PEX14: variants seen among roughly 807,000 people sequenced by gnomAD.
The protein encoded by PEX14 is peroxisomal biogenesis factor 14, also known as peroxisomal membrane protein PEX14.
PEX14 carries 15 observed loss-of-function variants against 49.5 expected under a neutral mutation model. The ratio of observed to expected loss-of-function variants is 0.30; its 90% CI spans 0.20 to 0.47. The LOEUF (loss-of-function observed/expected upper bound fraction) is 0.47, where lower values mean the gene tolerates loss of function less well. PEX14 is among the 20% of genes least tolerant of loss of function. The pLI is 1.00. For synonymous variants in PEX14, 210 were observed against 212.7 expected (o/e 0.99, Z 0.11); for missense variants, 398 against 494.8 (o/e 0.80, Z 1.86).
chr1:10,511,571 A>G (rs2124436727), intron 2 of PEX14, among the ~76,000 whole-genome samples: 1 of 152,296 alleles, frequency 6.6e-6, no homozygotes, highest in South Asian at 2.1e-4. Flanking sequence ...CTAGAGATGG[A>G]GGGACCCCTG....
rs918208350 is a variant in PEX14 at position 10,627,217 on chromosome 1, G to T, written c.586-55G>T. On this transcript the variant is annotated intron_variant, in intron 7 of 8. Coordinates refer to ENST00000356607, the MANE Select transcript of PEX14 (RefSeq NM_004565.3). ...CACCCAGGTCCTCCTGCAGCCGCAG[G>T]CCCCGCCCGTGCCGCAAGGCGCCCG... 9.8e-6 allele frequency: 12 copies of T among 1,220,256 alleles called. No individual in the cohort carries two copies. The African/African-American group carries it at 1.8e-4, about 18-fold the overall frequency. 75.6% of individuals were successfully genotyped at this position (1,220,256 alleles called of 1,614,324 possible). A position where few individuals can be genotyped will look rare whatever the true frequency, so the allele number is the denominator to read the frequency against.
At chr1:10,616,961 A>G (rs1641440226) in intron 4 of PEX14, 2 of 151,906 alleles carry the variant, frequency 1.3e-5, no homozygotes, top group South Asian at 4.2e-4. Flanking sequence ...TAAGTTCTGC[A>G]TCAATATGGT....
chr1:10,550,229 C>T (rs1389978068), intron 3 of PEX14, among the ~76,000 whole-genome samples: 1 of 152,046 alleles, frequency 6.6e-6, no homozygotes, highest in African/African-American at 2.4e-5. Context: ...AATGAGAATC[C>T]CGGGCAGAAA....
At chr1:10,574,728 C>T (rs1025391692) in intron 3 of PEX14, among the ~76,000 whole-genome samples, 5 of 152,026 alleles carry the variant, frequency 3.3e-5, no homozygotes, top group Admixed American at 2.0e-4. Flanking sequence ...CAGTTTTATG[C>T]GTCAACAAGA....
rs1407855450 is a variant in PEX14, at chr1:10,597,189, G to A, written c.170-2049G>A. Among the ~76,000 whole-genome samples the A allele has an allele frequency of 6.6e-6, 1 of 152,246 alleles. No homozygotes were observed. Among genetic ancestry groups the A allele is most frequent in the African/African-American group, 2.4e-5 (1 of 41,464 alleles). ...GAATGCAACTGAATGCTCCTTTTGG[G>A]AAAATTATCTTCATTTGCAGCCAGC... On this transcript the variant is annotated intron_variant, in intron 3 of 8. Transcript: ENST00000356607. The surrounding 1 kb of genome is among the most constrained non-coding windows in gnomAD (Gnocchi z 5.7).
chr1:10,576,346 A>G (rs1196173403), intron 3 of PEX14, among the ~76,000 whole-genome samples: 1 of 152,176 alleles, frequency 6.6e-6, no homozygotes, highest in Non-Finnish European at 1.5e-5. Context: ...GTGTCAGGCA[A>G]TAAGCTAAGT....
chr1:10,548,183 C>T (rs1350731439), intron 3 of PEX14, among the ~76,000 whole-genome samples: 1 of 152,226 alleles, frequency 6.6e-6, no homozygotes, highest in Admixed American at 6.5e-5. Flanking sequence ...CGCCACTGCA[C>T]TCCAGCCTGG....
intron 3 of PEX14, among the ~76,000 whole-genome samples, chr1:10,537,271 A>G (rs961332917): frequency 1.0e-4 from 14 of 139,234 alleles, no homozygotes; most frequent in Non-Finnish European, 1.5e-5. Flanking sequence ...CGGCAGCCCC[A>G]AGGCTGGGTC....
intron 2 of PEX14, among the ~76,000 whole-genome samples, chr1:10,506,885 A>G (rs1048956387): frequency 1.3e-5 from 2 of 152,248 alleles, no homozygotes; most frequent in Admixed American, 1.3e-4. Context: ...TTGGCTTTAC[A>G]TCAAAAGATC....
chr1:10,541,154 TAA>T (rs1394143363), intron 3 of PEX14, among the ~76,000 whole-genome samples: 2 of 152,078 alleles, frequency 1.3e-5, no homozygotes, highest in African/African-American at 2.4e-5. Context: ...GGAAGAGAAA[TAA>T]GAGAGGACAG....
rs1234893998 is a variant in PEX14, at chr1:10,514,499, T to G, written c.84+19178T>G. On this transcript the variant is annotated intron_variant, in intron 2 of 8. Coordinates refer to ENST00000356607, the MANE Select transcript of PEX14 (RefSeq NM_004565.3). This position sits in a 1 kb window ranked among gnomAD's most constrained non-coding sequence, Gnocchi z 4.4. ...ACCTTCTTGGTGAGTAGCTAATACC[T>G]TATTTTGTTCAAGGTTCCACGTTCA... Among the ~76,000 whole-genome samples, 4 of 152,220 alleles carry G rather than the reference T, an allele frequency of 2.6e-5. No homozygotes were observed. The highest frequency in any genetic ancestry group is 5.9e-5 in the Non-Finnish European group (4 of 68,048).
chr1:10,496,513 C>T (rs1388156688), intron 2 of PEX14, among the ~76,000 whole-genome samples: 1 of 152,186 alleles, frequency 6.6e-6, no homozygotes, highest in Non-Finnish European at 1.5e-5. Flanking sequence ...GACTGAAGTG[C>T]AGATTGAACA....
At chr1:10,506,081 G>T (rs557814555) in intron 2 of PEX14, among the ~76,000 whole-genome samples, 2 of 151,880 alleles carry the variant, frequency 1.3e-5, no homozygotes, top group African/African-American at 4.8e-5. Context: ...TGACCAACTT[G>T]CTGTTTGGGT....
Position 10,616,625 on chromosome 1 carries a change from C to G in PEX14, c.299-1707C>G, listed in dbSNP as rs936823401. ...GATCCTTCGGGGGGAGGCAGAGCACCCGCCACGTGGCCTGGAGATGGCCGC... is the reference window on the plus strand; with the variant it reads ...GATCCTTCGGGGGGAGGCAGAGCACGCGCCACGTGGCCTGGAGATGGCCGC... On this transcript the variant is annotated intron_variant, in intron 4 of 8. Coordinates refer to ENST00000356607, the MANE Select transcript of PEX14 (RefSeq NM_004565.3). Among the ~76,000 whole-genome samples, 7 of 152,166 alleles carry G rather than the reference C, an allele frequency of 4.6e-5. No individual in the cohort carries two copies. The East Asian group carries it at 1.2e-3, about 25-fold the overall frequency.
In PEX14 at chr1:10,629,456, C is replaced by T; in HGVS notation, c.678-75C>T. 1.9e-6 allele frequency: 2 copies of T among 1,027,742 alleles called. No individual in the cohort carries two copies. The highest frequency in any genetic ancestry group is 3.0e-6 in the Non-Finnish European group (2 of 661,164). The allele number at this position is 1,027,742 out of a possible 1,614,324, so 63.7% of individuals were successfully genotyped here. On this transcript the variant is annotated intron_variant, in intron 8 of 8. Coordinates refer to ENST00000356607, the MANE Select transcript of PEX14 (RefSeq NM_004565.3). The surrounding 1 kb of genome is among the most constrained non-coding windows in gnomAD (Gnocchi z 8.5). ...TCACCATCGCCGAGCCCTTGCGGGT[C>T]AGGGAAGGCGTGGCCCTTCGAAGGG... is the stretch of plus-strand genomic sequence containing the variant.
chr1:10,504,186 G>A (rs975651832), intron 2 of PEX14, among the ~76,000 whole-genome samples: 4 of 152,170 alleles, frequency 2.6e-5, no homozygotes, highest in Non-Finnish European at 2.9e-5. Context: ...GGAGAAGGAC[G>A]TATTCACCGC....
chr1:10,586,309 CTG>C (rs1640484945), intron 3 of PEX14, among the ~76,000 whole-genome samples: 4 of 152,196 alleles, frequency 2.6e-5, no homozygotes, highest in Admixed American at 2.6e-4. Flanking sequence ...ATGGAAAAGA[CTG>C]AGAACTTTGC....
intron 3 of PEX14, among the ~76,000 whole-genome samples, chr1:10,546,426 G>A (rs543145011): frequency 2.0e-5 from 3 of 152,116 alleles, no homozygotes; most frequent in South Asian, 4.2e-4. Context: ...TTAGCCGGGT[G>A]TGGTGACGCT....
intron 2 of PEX14, among the ~76,000 whole-genome samples, chr1:10,521,126 T>A (rs1638279968): frequency 6.6e-6 from 1 of 152,032 alleles, no homozygotes; most frequent in Non-Finnish European, 1.5e-5. Flanking sequence ...TTTCTTCTAG[T>A]GGATAAGATT....
Sources: gnomAD v4.1 joint callset for allele counts (sites outside exome capture counted in the v4.1 genomes callset) on GRCh38, gnomAD v4.1.1 for gene constraint, Gnocchi (gnomAD v3.1) non-coding constraint, MANE v1.5 for transcripts, NCBI Gene and HGNC (gene_info 2026-07-23, HGNC 2026-07-21) for gene names.